CDH2: variants seen among roughly 807,000 people sequenced by gnomAD.
CDH2 encodes cadherin-2.
Under a neutral mutation model 92.0 loss-of-function variants are expected in CDH2, and 17 were observed. That is an observed-to-expected ratio of 0.18 (90% CI 0.13 to 0.28). The LOEUF is 0.28. Among genes scored for constraint, CDH2 ranks in the 10% least tolerant of loss-of-function variants. The pLI is 1.00. For synonymous variants in CDH2, 419 were observed against 415.9 expected (o/e 1.01, Z -0.09); for missense variants, 862 against 1,133.1 (o/e 0.76, Z 3.44).
chr18:27,939,113 C>T (rs7242613), intron 6 of CDH2, among the ~76,000 whole-genome samples: 144,169 of 152,138 alleles, frequency 0.95, 68,797 homozygotes, highest in East Asian at 1. Context: ...CTTTTATTTC[C>T]TGGGCTCCTT....
In CDH2 at chr18:27,992,818, T is replaced by C; in HGVS notation, c.1181A>G (p.Asn394Ser). The C allele has an allele frequency of 7.4e-6, 12 of 1,613,168 alleles. No individual in the cohort carries two copies. Among genetic ancestry groups the C allele is most frequent in the Non-Finnish European group, 9.3e-6 (11 of 1,179,526 alleles). The stretch of plus-strand genomic sequence containing the variant: ...ATTAGCTACTATGATGTCTACCCTG[T>C]TCTCAGGAACTTCACCATAAAACTG... ...AMTFYGEVPE[N>S]RVDIIVANLT... Residue 394 changes from asparagine (N) to serine (S), a missense_variant, in exon 9 of 16, where the codon AAC becomes AGC. Physicochemically the swap from Asn to Ser is conservative, Grantham distance 46. This residue lies in a region of CDH2 where 564 missense variants were observed against 722.2 expected (regional missense o/e 0.78). Coordinates refer to ENST00000269141, the MANE Select transcript of CDH2 (RefSeq NM_001792.5).
At chr18:28,107,907 C>T (rs918397592) in intron 2 of CDH2, among the ~76,000 whole-genome samples, 1 of 152,160 alleles carries the variant, frequency 6.6e-6, no homozygotes, top group African/African-American at 2.4e-5. Flanking sequence ...CCATTCTAGG[C>T]CATTAAAAAA....
At chr18:28,048,091 A>C (rs1252319820) in intron 2 of CDH2, among the ~76,000 whole-genome samples, 1 of 151,852 alleles carries the variant, frequency 6.6e-6, no homozygotes, top group African/African-American at 2.4e-5. Flanking sequence ...AATAAATACA[A>C]TGTCTCAGGC....
chr18:27,992,419 T>C (rs1662732), intron 9 of CDH2, among the ~76,000 whole-genome samples: 150,955 of 152,310 alleles, frequency 0.99, 74,832 homozygotes, highest in Middle Eastern at 1. Context: ...ACTCTCATCA[T>C]AAAACTCATT....
At position 27,941,501 on chromosome 18, in the gene CDH2, C is replaced by T. The variant is rs1909139432; in HGVS notation, c.1152-8377G>A. On this transcript the variant is annotated intron_variant, in intron 6 of 6. Transcript: ENST00000675173. Reference sequence around the variant, plus strand: ...AAATGATTTCATAAACTTGATGATACTGGTATTAAGTTCTTGTAAAGAATG... The same window carrying T: ...AAATGATTTCATAAACTTGATGATATTGGTATTAAGTTCTTGTAAAGAATG... Among the ~76,000 whole-genome samples the T allele has an allele frequency of 1.3e-5, 2 of 152,118 alleles. 1 individual carries two copies. The highest frequency in any genetic ancestry group is 4.1e-4 in the South Asian group (2 of 4,828).
In CDH2 at chr18:28,102,200, G is replaced by A. The variant is rs11564391; in HGVS notation, c.172+45473C>T. Among the ~76,000 whole-genome samples, 447 of 152,136 alleles carry A rather than the reference G, an allele frequency of 2.9e-3. 4 individuals carry two copies. The highest frequency in any genetic ancestry group is 0.013 in the East Asian group (65 of 5,168). ...TTTGGGACAAAGTATTACATTCTCC[G>A]TAAACCCAAAAATCATGAGTTAATT... On this transcript the variant is annotated intron_variant, in intron 2 of 15. Transcript: ENST00000269141.
At chr18:28,074,474 G>T (rs2014679704) in intron 2 of CDH2, among the ~76,000 whole-genome samples, 1 of 152,064 alleles carries the variant, frequency 6.6e-6, no homozygotes, top group South Asian at 2.1e-4. Context: ...TTCAACTCCT[G>T]ACCTCAAGTG....
intron 15 of CDH2, among the ~76,000 whole-genome samples, chr18:27,962,465 A>G (rs1567938840): frequency 6.6e-6 from 1 of 152,202 alleles, no homozygotes; most frequent in Non-Finnish European, 1.5e-5. Flanking sequence ...ATTTTGAGGA[A>G]GCCCAGGATA....
chr18:28,042,818 G>C (rs2013973887), intron 2 of CDH2, among the ~76,000 whole-genome samples: 1 of 152,130 alleles, frequency 6.6e-6, no homozygotes, highest in African/African-American at 2.4e-5. Flanking sequence ...ATAAAAATCA[G>C]AGTAAATGCT....
At chr18:27,981,222 C>A (rs1302232119) in intron 14 of CDH2, among the ~76,000 whole-genome samples, 2 of 151,760 alleles carry the variant, frequency 1.3e-5, no homozygotes, top group Admixed American at 1.3e-4. Context: ...GTAAAGTATG[C>A]AAAATTACAC....
Position 28,110,020 on chromosome 18 carries a change from CA to C in CDH2, c.172+37652del, listed in dbSNP as rs1555642870. 6.6e-5 allele frequency among the ~76,000 whole-genome samples: 10 copies of C among 152,230 alleles called. No individual in the cohort carries two copies. The South Asian group carries it at 1.4e-3, about 22-fold the overall frequency. On this transcript the variant is annotated intron_variant, in intron 2 of 15. Transcript: ENST00000269141. ...AAGGAATTGTCATGGCAAGAGCATA[CA>C]AATACAAGGCCATATGGTGTCCTTT...
At chr18:27,989,051 G>A (rs558969874) in intron 10 of CDH2, among the ~76,000 whole-genome samples, 35 of 152,278 alleles carry the variant, frequency 2.3e-4, no homozygotes, top group African/African-American at 8.4e-4. Context: ...GGAGTTAAGA[G>A]AAATTATAAT....
chr18:28,172,519 T>C (rs1285113807), intron 1 of CDH2, among the ~76,000 whole-genome samples: 1 of 152,098 alleles, frequency 6.6e-6, no homozygotes, highest in African/African-American at 2.4e-5. Context: ...AAAATTTTAG[T>C]AGAAAAAAAC....
intron 2 of CDH2, among the ~76,000 whole-genome samples, chr18:28,087,794 A>C (rs1266512245): frequency 4.0e-5 from 6 of 151,376 alleles, no homozygotes; most frequent in African/African-American, 9.7e-5. Context: ...AATGAAAATA[A>C]AAAACAAAAC....
At chr18:28,165,656 A>C (rs772261416) in intron 1 of CDH2, among the ~76,000 whole-genome samples, 3 of 152,104 alleles carry the variant, frequency 2.0e-5, no homozygotes, top group African/African-American at 7.2e-5. Flanking sequence ...CCACACAAAA[A>C]ACAAGTGTCA....
intron 2 of CDH2, among the ~76,000 whole-genome samples, chr18:28,059,156 A>G (rs1273555909): frequency 6.6e-6 from 1 of 152,216 alleles, no homozygotes; most frequent in Non-Finnish European, 1.5e-5. Flanking sequence ...ACCAACCATC[A>G]AACACCAAAT....
chr18:28,025,161 GGA>G (rs2013516176), intron 2 of CDH2, among the ~76,000 whole-genome samples: 1 of 152,046 alleles, frequency 6.6e-6, no homozygotes, highest in African/African-American at 2.4e-5. Flanking sequence ...GATGATCTGG[GGA>G]AGTGTTATGC....
chr18:27,973,400 A>G (rs893191281), intron 14 of CDH2, among the ~76,000 whole-genome samples: 4 of 152,180 alleles, frequency 2.6e-5, no homozygotes, highest in Non-Finnish European at 5.9e-5. Flanking sequence ...GATCTAGAAG[A>G]CTTTAGTATC....
intron 1 of CDH2, among the ~76,000 whole-genome samples, chr18:28,154,666 T>C (rs2016181463): frequency 6.6e-6 from 1 of 152,126 alleles, no homozygotes; most frequent in Admixed American, 6.5e-5. Flanking sequence ...CGGTTCCCGT[T>C]CTCATTATTC....
Sources: gnomAD v4.1 joint callset for allele counts (sites outside exome capture counted in the v4.1 genomes callset) on GRCh38, gnomAD v4.1.1 for gene constraint, gnomAD v4.1.1 regional missense constraint, MANE v1.5 for transcripts, NCBI Gene and HGNC (gene_info 2026-07-23, HGNC 2026-07-21) for gene names.